Variants in ZNHIT6 observed in about 807,000 individuals in gnomAD.
ZNHIT6 encodes the protein box C/D snoRNA protein 1.
A neutral mutation model predicts 57.2 loss-of-function variants in ZNHIT6; 45 were observed. The observed-to-expected ratio is 0.79, with a 90% CI of 0.62 to 1.01. The LOEUF is 1.01. Among genes scored for constraint, ZNHIT6 ranks in the 50% least tolerant of loss-of-function variants. The probability of loss-of-function intolerance (pLI) is 0.00; values close to 1 mark genes in which losing one functional copy is unlikely to be tolerated. For synonymous variants in ZNHIT6, 188 were observed against 190.0 expected (o/e 0.99, Z 0.09); for missense variants, 528 against 567.3 (o/e 0.93, Z 0.70).
intron 5 of ZNHIT6, among the ~76,000 whole-genome samples, chr1:85,699,204 C>T (rs2100714529): frequency 6.6e-6 from 1 of 152,224 alleles, no homozygotes; most frequent in South Asian, 2.1e-4. Context: ...CCCTTCTTCC[C>T]TCTTTCCAGC....
intron 5 of ZNHIT6, among the ~76,000 whole-genome samples, chr1:85,687,122 C>CA (rs1234074736): frequency 6.8e-6 from 1 of 147,480 alleles, no homozygotes; most frequent in Non-Finnish European, 1.5e-5. Context: ...ATACAAAAAA[C>CA]AAAAAAAAAT....
In ZNHIT6 at chr1:85,651,612, A is replaced by T. The variant is rs569855697; in HGVS notation, c.*2446T>A. The T allele has an allele frequency of 6.6e-6, 1 of 152,358 alleles. No individual in the cohort carries two copies. The highest frequency in any genetic ancestry group is 2.4e-5 in the African/African-American group (1 of 41,584). The allele number at this position is 152,358 out of a possible 1,614,324, so 9.4% of individuals were successfully genotyped here. On this transcript the variant is annotated 3_prime_UTR_variant, in exon 10 of 10. Coordinates refer to ENST00000370574, the MANE Select transcript of ZNHIT6 (RefSeq NM_017953.4). The stretch of plus-strand genomic sequence containing the variant: ...GACTATTAATCCTATATGTATAATT[A>T]GCAATTATGAAAGGCCTATCTTCTC...
At chr1:85,690,595 CTA>C (rs1367302989) in intron 5 of ZNHIT6, among the ~76,000 whole-genome samples, 1 of 152,118 alleles carries the variant, frequency 6.6e-6, no homozygotes, top group Admixed American at 6.6e-5. Flanking sequence ...ACTAACTATA[CTA>C]TGTTTTAAGA....
chr1:85,696,346 T>C (rs1215608789), intron 5 of ZNHIT6, among the ~76,000 whole-genome samples: 2 of 152,266 alleles, frequency 1.3e-5, no homozygotes, highest in East Asian at 3.9e-4. Context: ...TTTCAGACAA[T>C]TGTTTTAAAC....
intron 1 of ZNHIT6, 59 bp downstream of exon 1, chr1:85,707,570 A>G: frequency 6.8e-7 from 1 of 1,469,688 alleles, no homozygotes; most frequent in Non-Finnish European, 9.1e-7. Flanking sequence ...GGTTTCCTTC[A>G]CTCTAGACAT....
intron 8 of ZNHIT6, among the ~76,000 whole-genome samples, chr1:85,676,766 A>G (rs1238346002): frequency 6.6e-6 from 1 of 152,322 alleles, no homozygotes; most frequent in African/African-American, 2.4e-5. Context: ...AAGTGTTACT[A>G]CTGTATCACA....
At position 85,655,175 on chromosome 1, in the gene ZNHIT6, T is replaced by C. The variant is rs536652983; in HGVS notation, c.1373-1077A>G. ...TCCAGTGCCTCCATGATATTAAAAG[T>C]TTTTTTCCTTCTCTGGCTGTCTCTG... On this transcript the variant is annotated intron_variant, in intron 9 of 9. Transcript: ENST00000370574. Among the ~76,000 whole-genome samples, 144 of 152,310 alleles carry C rather than the reference T, an allele frequency of 9.5e-4. 2 individuals carry two copies. Among genetic ancestry groups the C allele is most frequent in the Non-Finnish European group, 1.6e-4 (11 of 68,024 alleles).
intron 5 of ZNHIT6, among the ~76,000 whole-genome samples, chr1:85,690,398 T>C (rs1342553321): frequency 6.6e-6 from 1 of 151,908 alleles, no homozygotes; most frequent in African/African-American, 2.4e-5. Flanking sequence ...CAGAACCATC[T>C]TTCCCTCTGT....
chr1:85,695,047 T>G (rs1429366048), intron 5 of ZNHIT6, among the ~76,000 whole-genome samples: 1 of 152,098 alleles, frequency 6.6e-6, no homozygotes, highest in Non-Finnish European at 1.5e-5. Context: ...GTGGACTGCC[T>G]GAGCTCAGGA....
rs1660852267 is a variant in ZNHIT6 at position 85,649,780 on chromosome 1, A to G, written c.*4278T>C. 6.6e-6 allele frequency: 1 copy of G among 152,178 alleles called. No individual in the cohort carries two copies. Among genetic ancestry groups the G allele is most frequent in the African/African-American group, 2.4e-5 (1 of 41,436 alleles). The allele number at this position is 152,178 out of a possible 1,614,324, so 9.4% of individuals were successfully genotyped here. A position where few individuals can be genotyped will look rare whatever the true frequency, so the allele number is the denominator to read the frequency against. ...TGATGCCACTGGGAAAAATTTCCAA[A>G]TTGGTAATGGAAACATATGCTATGT... On this transcript the variant is annotated 3_prime_UTR_variant, in exon 10 of 10. Transcript: ENST00000370574.
rs150802638 is a variant in ZNHIT6, at chr1:85,679,335, C to T, written c.1089-554G>A. 1.9e-4 allele frequency among the ~76,000 whole-genome samples: 29 copies of T among 152,236 alleles called. No individual in the cohort carries two copies. The East Asian group carries it at 4.6e-3, about 24-fold the overall frequency. ...GTTTTAAAACAGTAACTTTCCTCAA[C>T]CATTTATACATATTCATATATACTA... On this transcript the variant is annotated intron_variant, in intron 6 of 9. Coordinates refer to ENST00000370574, the MANE Select transcript of ZNHIT6 (RefSeq NM_017953.4).
intron 5 of ZNHIT6, among the ~76,000 whole-genome samples, chr1:85,687,288 C>CAA (rs1358501791): frequency 2.7e-5 from 2 of 75,226 alleles, no homozygotes; most frequent in Admixed American, 1.8e-4. Context: ...TCTCAAAAAA[C>CAA]AAAAAAAAAA....
chr1:85,679,563 G>GTTTTT (rs35523771), intron 6 of ZNHIT6, among the ~76,000 whole-genome samples: 1 of 135,284 alleles, frequency 7.4e-6, no homozygotes, highest in African/African-American at 2.7e-5. Flanking sequence ...ACATTAAAAT[G>GTTTTT]TTTTTTTTTT....
chr1:85,667,959 A>AT (rs1553155826), intron 8 of ZNHIT6, among the ~76,000 whole-genome samples: 7 of 11,988 alleles, frequency 5.8e-4, no homozygotes, highest in African/African-American at 9.3e-4. Context: ...AAAAAAAAAA[A>AT]AAATATATAT....
chr1:85,690,421 C>T (rs578102545), intron 5 of ZNHIT6, among the ~76,000 whole-genome samples: 1 of 152,284 alleles, frequency 6.6e-6, no homozygotes, highest in Non-Finnish European at 1.5e-5. Flanking sequence ...AGATAAAAAC[C>T]TAGAAATAAA....
At chr1:85,661,364 G>A (rs909002792) in intron 8 of ZNHIT6, among the ~76,000 whole-genome samples, 1 of 152,166 alleles carries the variant, frequency 6.6e-6, no homozygotes, top group Non-Finnish European at 1.5e-5. Context: ...TCACTTCAGA[G>A]AGTTACTGTG....
At position 85,707,876 on chromosome 1, in the gene ZNHIT6, C is replaced by T. The variant is rs1203081982; in HGVS notation, c.409G>A (p.Val137Ile). 1 of 1,613,966 alleles carries T rather than the reference C, an allele frequency of 6.2e-7. No individual in the cohort carries two copies. The highest frequency in any genetic ancestry group is 8.5e-7 in the Non-Finnish European group (1 of 1,180,036). The change falls in exon 1 of 10, where the codon GTA becomes ATA. Residue 137 changes from valine (V) to isoleucine (I), a missense_variant. Transcript: ENST00000370574. ...VKEAKVGEPE[V>I]KEEKVKEEVM... Reference sequence around the variant, plus strand: ...TCTTCCTTTACCTTCTCTTCCTTTACCTCTGGTTCACCCACCTTCGCTTCT... The same window carrying T: ...TCTTCCTTTACCTTCTCTTCCTTTATCTCTGGTTCACCCACCTTCGCTTCT...
chr1:85,679,452 C>G (rs1235371863), intron 6 of ZNHIT6, among the ~76,000 whole-genome samples: 1 of 150,152 alleles, frequency 6.7e-6, no homozygotes, highest in Non-Finnish European at 1.5e-5. Context: ...TTGACAACTA[C>G]AAAGAGAGGA....
intron 8 of ZNHIT6, among the ~76,000 whole-genome samples, chr1:85,658,940 GCTAA>G (rs201033218): frequency 0.01 from 1,590 of 152,122 alleles, 25 homozygotes; most frequent in African/African-American, 0.036. Context: ...AGAATGATGA[GCTAA>G]CTATTTGAAT....
Sources: gnomAD v4.1 joint callset for allele counts (sites outside exome capture counted in the v4.1 genomes callset) on GRCh38, gnomAD v4.1.1 for gene constraint, MANE v1.5 for transcripts, NCBI Gene and HGNC (gene_info 2026-07-23, HGNC 2026-07-21) for gene names.